GSDMC: variants seen among roughly 807,000 people sequenced by gnomAD.
GSDMC encodes gasdermin C.
A neutral mutation model predicts 58.0 loss-of-function variants in GSDMC; 59 were observed. That is an observed-to-expected ratio of 1.02 (90% CI 0.82 to 1.26). GSDMC has a LOEUF of 1.26. Ranked by LOEUF, GSDMC falls within the 50% of genes most tolerant of loss-of-function variation. GSDMC has a pLI of 0.00. For missense variants in GSDMC, 659 were observed against 598.5 expected (o/e 1.10, Z -1.06); for synonymous variants, 241 against 220.2 (o/e 1.09, Z -0.83).
chr8:129,731,777 A>G, the GSDMC span, among the ~76,000 whole-genome samples: 2 of 152,214 alleles, frequency 1.3e-5, no homozygotes, highest in Non-Finnish European at 2.9e-5. Flanking sequence ...ATAAAGTTTG[A>G]CCTTATAACT....
intron 3 of GSDMC, among the ~76,000 whole-genome samples, chr8:129,766,750 C>T (rs936265739): frequency 1.3e-5 from 2 of 152,012 alleles, no homozygotes; most frequent in Non-Finnish European, 2.9e-5. Flanking sequence ...CAGGCGCCAC[C>T]GCAACATGAA....
chr8:129,733,726 G>C, the GSDMC span, among the ~76,000 whole-genome samples: 1 of 152,210 alleles, frequency 6.6e-6, no homozygotes, highest in Non-Finnish European at 1.5e-5. Context: ...AACCAGAGCA[G>C]AAAAGTTGAA....
chr8:129,775,888 G>C (rs1057098376), intron 3 of GSDMC, among the ~76,000 whole-genome samples: 2 of 152,056 alleles, frequency 1.3e-5, no homozygotes, highest in African/African-American at 4.8e-5. Context: ...CATAGTAGTG[G>C]GTAGTTACTG....
chr8:129,752,782 TCGCAG>T lies in GSDMC; in HGVS notation c.755_759del (p.Ala252GlufsTer3). Reference sequence around the variant, plus strand: ...AATGATGGTAGCAACCCCTCACTCCTCGCAGCACAGTAGCCTACCATTTCGGAAAT... The same window carrying T: ...AATGATGGTAGCAACCCCTCACTCCTCACAGTAGCCTACCATTTCGGAAAT... On this transcript the variant is annotated frameshift_variant, in exon 7 of 14. Transcript: ENST00000276708. LOFTEE classifies it high-confidence loss of function. 6.2e-7 allele frequency: 1 copy of T among 1,614,180 alleles called. No homozygotes were observed. The highest frequency in any genetic ancestry group is 8.5e-7 in the Non-Finnish European group (1 of 1,180,020).
chr8:129,711,928 C>T, the GSDMC span, among the ~76,000 whole-genome samples: 1 of 152,114 alleles, frequency 6.6e-6, no homozygotes, highest in Non-Finnish European at 1.5e-5. Context: ...GTTATAGTGC[C>T]TGTTCTCTGA....
In GSDMC at chr8:129,777,460, T is replaced by G; in HGVS notation, c.128A>C (p.Lys43Thr). 8 of 1,613,002 alleles carry G rather than the reference T, an allele frequency of 5.0e-6. No individual in the cohort carries two copies. Among genetic ancestry groups the G allele is most frequent in the Non-Finnish European group, 5.9e-6 (7 of 1,179,118 alleles). Residue 43 changes from lysine to threonine, a missense_variant, in exon 2 of 14, where the codon AAG becomes ACG. Physicochemically the swap from Lys to Thr is moderately conservative, Grantham distance 78 (BLOSUM62 -1). Coordinates refer to ENST00000276708, the MANE Select transcript of GSDMC (RefSeq NM_031415.3). ...LRQFVILRKK[K>T]DSRSSFWEQS... Reference sequence around the variant, plus strand: ...TTCCCAAAATGATGAACGAGAATCCTTCTTCTTTCGTAATATAACAAACTG... The same window carrying G: ...TTCCCAAAATGATGAACGAGAATCCGTCTTCTTTCGTAATATAACAAACTG...
At chr8:129,718,671 C>T in the GSDMC span, among the ~76,000 whole-genome samples, 189 of 152,242 alleles carry the variant, frequency 1.2e-3, no homozygotes, top group Non-Finnish European at 1.6e-3. Flanking sequence ...ACCCAGCAGT[C>T]CCATTACTGG....
the GSDMC span, among the ~76,000 whole-genome samples, chr8:129,711,016 G>A: frequency 6.6e-6 from 1 of 152,220 alleles, no homozygotes; most frequent in Non-Finnish European, 1.5e-5. Context: ...TCTTGTCCAG[G>A]AGGGGAAGGT....
intron 1 of GSDMC, among the ~76,000 whole-genome samples, chr8:129,783,081 A>T (rs1563818806): frequency 6.6e-6 from 1 of 152,196 alleles, no homozygotes; most frequent in Non-Finnish European, 1.5e-5. Context: ...GTGATACATT[A>T]TAGCAAGAAA....
chr8:129,751,769 G>A lies in GSDMC; in HGVS notation c.916+93C>T, dbSNP rs1266825249. 6.0e-6 allele frequency: 8 copies of A among 1,330,952 alleles called. No homozygotes were observed. The East Asian group carries it at 9.2e-5, about 15-fold the overall frequency. 82.4% of individuals were successfully genotyped at this position (1,330,952 alleles called of 1,614,324 possible). A position where few individuals can be genotyped will look rare whatever the true frequency, so the allele number is the denominator to read the frequency against. On this transcript the variant is annotated intron_variant, in intron 9 of 13. Transcript: ENST00000276708. ...ACCAAACGCCAGGCCCTAGGGCGGTGGTGGCAAAGGCGAGGCAGGGGCAAT... is the reference window on the plus strand; with the variant it reads ...ACCAAACGCCAGGCCCTAGGGCGGTAGTGGCAAAGGCGAGGCAGGGGCAAT...
intron 1 of GSDMC, among the ~76,000 whole-genome samples, chr8:129,781,616 G>T (rs1313785818): frequency 6.6e-6 from 1 of 152,100 alleles, no homozygotes; most frequent in East Asian, 1.9e-4. Context: ...GTGGTGGTGG[G>T]CACCTGTAGT....
At chr8:129,749,895 A>C in intron 12 of GSDMC, 95 bp downstream of exon 12, 2 of 1,008,926 alleles carry the variant, frequency 2.0e-6, no homozygotes, top group Non-Finnish European at 2.9e-6. Context: ...CATGGCATTC[A>C]AAGGGCTTTG....
intron 4 of GSDMC, among the ~76,000 whole-genome samples, chr8:129,763,499 C>T (rs1430736881): frequency 1.3e-5 from 2 of 152,168 alleles, no homozygotes; most frequent in South Asian, 2.1e-4. Flanking sequence ...AGATTTTCCA[C>T]ATTGCATTAT....
intron 1 of GSDMC, among the ~76,000 whole-genome samples, chr8:129,783,644 A>G (rs868034767): frequency 6.6e-6 from 1 of 152,224 alleles, no homozygotes. Context: ...AAGAATCAAT[A>G]TTGTTAAAAT....
chr8:129,718,193 G>A, the GSDMC span, among the ~76,000 whole-genome samples: 1 of 152,066 alleles, frequency 6.6e-6, no homozygotes, highest in Non-Finnish European at 1.5e-5. Context: ...TTAAACTAAA[G>A]AGCTTTTGCA....
At chr8:129,773,588 C>T (rs1490932408) in intron 3 of GSDMC, among the ~76,000 whole-genome samples, 1 of 151,882 alleles carries the variant, frequency 6.6e-6, no homozygotes, top group Non-Finnish European at 1.5e-5. Flanking sequence ...AGTTCGAGAC[C>T]AGCCTGGCCA....
intron 6 of GSDMC, among the ~76,000 whole-genome samples, chr8:129,753,879 G>A (rs2033325217): frequency 6.6e-6 from 1 of 152,234 alleles, no homozygotes; most frequent in African/African-American, 2.4e-5. Flanking sequence ...TCATGGGCCG[G>A]TGGTAATGGT....
rs73406817 is a variant in GSDMC at position 129,757,949 on chromosome 8, C to T, written c.721+2596G>A. Reference sequence around the variant, plus strand: ...GAGGTTGCAGTGAGCCATGTTCATGCCACTACCACTACAGCCTGAGCAACA... The same window carrying T: ...GAGGTTGCAGTGAGCCATGTTCATGTCACTACCACTACAGCCTGAGCAACA... On this transcript the variant is annotated intron_variant, in intron 6 of 13. Coordinates refer to ENST00000276708, the MANE Select transcript of GSDMC (RefSeq NM_031415.3). Among the ~76,000 whole-genome samples, 714 of 152,192 alleles carry T rather than the reference C, an allele frequency of 4.7e-3. 7 individuals are homozygous for T. The highest frequency in any genetic ancestry group is 0.016 in the African/African-American group (671 of 41,526).
At chr8:129,727,769 T>A in the GSDMC span, among the ~76,000 whole-genome samples, 358 of 152,112 alleles carry the variant, frequency 2.4e-3, 1 homozygote, top group African/African-American at 8.4e-3. Flanking sequence ...TGCTCTGGAG[T>A]AGGGTAGGAG....
Sources: gnomAD v4.1 joint callset for allele counts (sites outside exome capture counted in the v4.1 genomes callset) on GRCh38, gnomAD v4.1.1 for gene constraint, MANE v1.5 for transcripts, NCBI Gene and HGNC (gene_info 2026-07-23, HGNC 2026-07-21) for gene names.